The following NELL1 variants were observed in gnomAD, a reference collection of about 807,000 sequenced individuals.
The protein encoded by NELL1 is protein kinase C-binding protein NELL1.
NELL1 carries 76 observed loss-of-function variants against 107.4 expected under a neutral mutation model. The ratio of observed to expected loss-of-function variants is 0.71; its 90% CI spans 0.59 to 0.86. The LOEUF is 0.86. NELL1 is among the 40% of genes least tolerant of loss of function. The probability of loss-of-function intolerance (pLI) is 0.00; values close to 1 mark genes in which losing one functional copy is unlikely to be tolerated. For missense variants in NELL1, 1,024 were observed against 1,005.5 expected (o/e 1.02, Z -0.25); for synonymous variants, 353 against 341.2 (o/e 1.03, Z -0.38).
intron 13 of NELL1, among the ~76,000 whole-genome samples, chr11:21,176,172 T>C (rs1181648091): frequency 2.0e-5 from 3 of 151,890 alleles, no homozygotes; most frequent in African/African-American, 7.3e-5. Flanking sequence ...ACCTGGTATG[T>C]AGAAAGTGCT....
At chr11:20,920,507 A>T (rs1166706599) in intron 7 of NELL1, among the ~76,000 whole-genome samples, 4 of 152,110 alleles carry the variant, frequency 2.6e-5, no homozygotes, top group Non-Finnish European at 5.9e-5. Flanking sequence ...GATCTGAAGC[A>T]TTAGCTTTTC....
intron 5 of NELL1, among the ~76,000 whole-genome samples, chr11:20,888,873 C>T (rs1849562111): frequency 6.6e-6 from 1 of 152,182 alleles, no homozygotes; most frequent in South Asian, 2.1e-4. Flanking sequence ...CACATGGTCT[C>T]TCATCTCCAA....
At chr11:21,476,759 G>A (rs1396536425) in intron 15 of NELL1, among the ~76,000 whole-genome samples, 1 of 152,098 alleles carries the variant, frequency 6.6e-6, no homozygotes, top group Non-Finnish European at 1.5e-5. Flanking sequence ...GGTGGTAGCG[G>A]CATAGTGCAA....
chr11:20,805,280 A>G (rs1238656320), intron 3 of NELL1, among the ~76,000 whole-genome samples: 2 of 152,188 alleles, frequency 1.3e-5, no homozygotes, highest in Non-Finnish European at 2.9e-5. Flanking sequence ...TAAAGAGTTT[A>G]GTCCATTCAC....
intron 12 of NELL1, among the ~76,000 whole-genome samples, chr11:20,983,412 C>T (rs1316822702): frequency 1.5e-5 from 2 of 136,020 alleles, no homozygotes; most frequent in Non-Finnish European, 3.0e-5. Flanking sequence ...TTATATACTA[C>T]ACCCCCCAGC....
intron 2 of NELL1, among the ~76,000 whole-genome samples, chr11:20,707,298 G>A (rs989860053): frequency 4.6e-5 from 7 of 152,056 alleles, no homozygotes; most frequent in African/African-American, 1.7e-4. Flanking sequence ...TCTTTGTGAT[G>A]GGTTTGAACT....
chr11:20,975,581 C>CACATATGTAGATACAATGTATTATATAT (rs1564995029), intron 12 of NELL1, among the ~76,000 whole-genome samples: 1 of 131,778 alleles, frequency 7.6e-6, no homozygotes, highest in Non-Finnish European at 1.6e-5. Flanking sequence ...GTATTATATA[C>CACATATGTAGATACAATGTATTATATAT]ACATATGTAG....
At chr11:20,829,223 A>ATTTTTT (rs758970966) in intron 3 of NELL1, among the ~76,000 whole-genome samples, 2 of 118,900 alleles carry the variant, frequency 1.7e-5, no homozygotes, top group African/African-American at 3.3e-5. Flanking sequence ...CTGCAGGACT[A>ATTTTTT]TTTTTTTTTT....
At chr11:20,760,064 C>T (rs745324679) in intron 2 of NELL1, among the ~76,000 whole-genome samples, 2 of 152,198 alleles carry the variant, frequency 1.3e-5, no homozygotes, top group African/African-American at 2.4e-5. Flanking sequence ...AAGAGAAACA[C>T]TCCCTTTCCT....
At chr11:20,975,049 A>G (rs1442293990) in intron 12 of NELL1, among the ~76,000 whole-genome samples, 4 of 151,906 alleles carry the variant, frequency 2.6e-5, no homozygotes, top group Non-Finnish European at 5.9e-5. Context: ...TTGCTCTGTC[A>G]CTCATGCTGG....
intron 14 of NELL1, among the ~76,000 whole-genome samples, chr11:21,313,757 C>A (rs187900719): frequency 1.3e-5 from 2 of 152,124 alleles, no homozygotes; most frequent in African/African-American, 4.8e-5. Context: ...CTTTATAAGA[C>A]TCACTCCTGT....
chr11:20,930,179 G>T (rs893960130), intron 9 of NELL1, among the ~76,000 whole-genome samples: 1 of 151,978 alleles, frequency 6.6e-6, no homozygotes, highest in African/African-American at 2.4e-5. Flanking sequence ...TGTGCTTTTG[G>T]CTTAACATTT....
At chr11:21,267,149 C>T (rs1388689657) in intron 14 of NELL1, among the ~76,000 whole-genome samples, 2 of 152,032 alleles carry the variant, frequency 1.3e-5, no homozygotes, top group Non-Finnish European at 2.9e-5. Context: ...AATGTATATG[C>T]ATCTACATCC....
At chr11:21,100,317 C>G (rs61880819) in intron 12 of NELL1, among the ~76,000 whole-genome samples, 13,445 of 152,270 alleles carry the variant, frequency 0.088, 739 homozygotes, top group Non-Finnish European at 0.12. Flanking sequence ...CATGCTCGGC[C>G]TCCATTTTAG....
chr11:21,183,132 T>C (rs1345443954), intron 13 of NELL1, among the ~76,000 whole-genome samples: 1 of 151,954 alleles, frequency 6.6e-6, no homozygotes, highest in Non-Finnish European at 1.5e-5. Flanking sequence ...TAGAAAAGTA[T>C]GTTCAAGATT....
chr11:20,879,784 T>C (rs1380330868), intron 4 of NELL1, among the ~76,000 whole-genome samples: 3 of 152,232 alleles, frequency 2.0e-5, no homozygotes, highest in Non-Finnish European at 4.4e-5. Context: ...AGAAATAAGA[T>C]ATTTACTTAG....
At chr11:20,928,253 T>C (rs979131514) in intron 8 of NELL1, 124 bp from the exon 9 acceptor site, 5 of 863,170 alleles carry the variant, frequency 5.8e-6, no homozygotes, top group Admixed American at 1.9e-5. Context: ...TGGAGTGGAC[T>C]GGGAATTCGA....
At chr11:21,309,060 T>C (rs1465874317) in intron 14 of NELL1, among the ~76,000 whole-genome samples, 1 of 151,598 alleles carries the variant, frequency 6.6e-6, no homozygotes, top group Non-Finnish European at 1.5e-5. Context: ...TAGCATATGC[T>C]TTCATTTAAG....
intron 4 of NELL1, among the ~76,000 whole-genome samples, chr11:20,870,551 A>G (rs1849177378): frequency 6.6e-6 from 1 of 152,152 alleles, no homozygotes; most frequent in African/African-American, 2.4e-5. Context: ...ATTATCATCC[A>G]TGAAGTACCT....
Sources: gnomAD v4.1 joint callset for allele counts (sites outside exome capture counted in the v4.1 genomes callset) on GRCh38, gnomAD v4.1.1 for gene constraint, MANE v1.5 for transcripts, NCBI Gene and HGNC (gene_info 2026-07-23, HGNC 2026-07-21) for gene names.